The following CASK variants were observed in gnomAD, a reference collection of about 807,000 sequenced individuals.
CASK encodes calcium/calmodulin dependent serine protein kinase.
Under a neutral mutation model 82.9 loss-of-function variants are expected in CASK, and 4 were observed. That is an observed-to-expected ratio of 0.05 (90% CI 0.02 to 0.11). The LOEUF is 0.11. Ranked by LOEUF, CASK falls within the 10% of genes least tolerant of loss-of-function variation. The pLI is 1.00. For synonymous variants in CASK, 259 were observed against 253.5 expected (o/e 1.02, Z -0.20); for missense variants, 358 against 720.9 (o/e 0.50, Z 5.76).
chrX:41,578,563 A>G, intron 14 of CASK, 35 bp from the exon 15 acceptor site: 1 of 959,599 alleles, frequency 1.0e-6, no homozygotes, highest in Admixed American at 2.3e-5. Flanking sequence ...TATTAATAAC[A>G]TTACTATTTC....
chrX:41,793,889 T>A (rs775079377), intron 2 of CASK, among the ~76,000 whole-genome samples: 3 of 111,744 alleles, frequency 2.7e-5, no homozygotes, highest in African/African-American at 9.7e-5. Flanking sequence ...TATCTCATAA[T>A]CAAGTTGAAG....
At chrX:41,632,075 C>T (rs979682363) in intron 9 of CASK, among the ~76,000 whole-genome samples, 10 of 110,990 alleles carry the variant, frequency 9.0e-5, no homozygotes, top group African/African-American at 2.9e-4. Flanking sequence ...GGACCACAGG[C>T]GTGTGCAACC....
At chrX:41,675,922 A>G (rs757764652) in intron 5 of CASK, 38 of 1,206,133 alleles carry the variant, frequency 3.2e-5, no homozygotes, top group Non-Finnish European at 3.9e-5. Context: ...CTGTCTTTGC[A>G]AGAGAGCAGG....
chrX:41,817,181 T>C (rs145955053), intron 2 of CASK, among the ~76,000 whole-genome samples: 1,654 of 112,199 alleles, frequency 0.015, 30 homozygotes, highest in African/African-American at 0.052. Context: ...CCATTCCTAC[T>C]GAAAATTCTC....
intron 4 of CASK, among the ~76,000 whole-genome samples, chrX:41,741,552 A>G (rs926189259): frequency 5.4e-5 from 6 of 112,109 alleles, no homozygotes; most frequent in Non-Finnish European, 7.5e-5. Flanking sequence ...TCAAAGTCTC[A>G]TAACACAAAA....
chrX:41,661,245 T>C (rs1424910312), intron 7 of CASK, among the ~76,000 whole-genome samples: 6 of 111,411 alleles, frequency 5.4e-5, no homozygotes, highest in Non-Finnish European at 1.9e-5. Flanking sequence ...AGAAGGCTCC[T>C]GGGAAAAGGG....
chrX:41,747,135 T>C (rs1271135185), intron 3 of CASK, among the ~76,000 whole-genome samples: 4 of 111,868 alleles, frequency 3.6e-5, no homozygotes, highest in Non-Finnish European at 7.5e-5. Flanking sequence ...TGTGGTTTTA[T>C]ATAAATGAAT....
intron 2 of CASK, among the ~76,000 whole-genome samples, chrX:41,812,178 C>G (rs1317682132): frequency 2.7e-5 from 3 of 111,805 alleles, no homozygotes; most frequent in African/African-American, 9.8e-5. Flanking sequence ...GAACTGGTAC[C>G]ATTTCTTCTG....
chrX:41,756,607 C>T (rs2147764114), intron 3 of CASK, among the ~76,000 whole-genome samples: 1 of 112,264 alleles, frequency 8.9e-6, no homozygotes, highest in East Asian at 2.8e-4. Flanking sequence ...CCTTATTTTG[C>T]TGTAATAAAT....
At chrX:41,569,370 A>G (rs2065370316) in intron 16 of CASK, among the ~76,000 whole-genome samples, 1 of 111,766 alleles carries the variant, frequency 8.9e-6, no homozygotes, top group Non-Finnish European at 1.9e-5. Context: ...CATTATCTAC[A>G]TGCTGGAGCC....
At chrX:41,770,314 ATCCATCCATCCAT>A (rs1569441802) in intron 3 of CASK, among the ~76,000 whole-genome samples, 5 of 77,090 alleles carry the variant, frequency 6.5e-5, no homozygotes, top group East Asian at 7.5e-4. Flanking sequence ...CTACCTACCT[ATCCATCCATCCAT>A]CCATCCATCC....
At chrX:41,678,029 G>A (rs868364967) in intron 5 of CASK, among the ~76,000 whole-genome samples, 1 of 111,830 alleles carries the variant, frequency 8.9e-6, no homozygotes, top group Non-Finnish European at 1.9e-5. Context: ...TCTAACACAG[G>A]ACTTAAAAAT....
At chrX:41,863,454 A>G (rs2071530710) in intron 1 of CASK, among the ~76,000 whole-genome samples, 1 of 111,938 alleles carries the variant, frequency 8.9e-6, no homozygotes, top group Non-Finnish European at 1.9e-5. Flanking sequence ...GACTGTAAGA[A>G]GCCCAGAAAG....
At chrX:41,641,554 A>G (rs1338771940) in intron 8 of CASK, among the ~76,000 whole-genome samples, 1 of 111,863 alleles carries the variant, frequency 8.9e-6, no homozygotes, top group Non-Finnish European at 1.9e-5. Context: ...TCATTAATTC[A>G]GAGAGATAAA....
At chrX:41,922,239 C>T (rs2072796208) in intron 1 of CASK, among the ~76,000 whole-genome samples, 1 of 111,843 alleles carries the variant, frequency 8.9e-6, no homozygotes, top group African/African-American at 3.3e-5. Flanking sequence ...ACTGTCAGTT[C>T]TATATTCTAG....
intron 12 of CASK, among the ~76,000 whole-genome samples, chrX:41,603,710 A>T (rs2065923590): frequency 8.9e-6 from 1 of 111,855 alleles, no homozygotes; most frequent in Non-Finnish European, 1.9e-5. Flanking sequence ...AAATAATCTT[A>T]ATTAGGTGGG....
At chrX:41,686,685 T>C (rs1192428169) in intron 5 of CASK, among the ~76,000 whole-genome samples, 1 of 111,710 alleles carries the variant, frequency 9.0e-6, no homozygotes, top group Non-Finnish European at 1.9e-5. Context: ...GAATTTGAAG[T>C]GAGACCAATC....
chrX:41,783,575 A>C (rs1569447560), intron 3 of CASK, among the ~76,000 whole-genome samples: 1 of 110,414 alleles, frequency 9.1e-6, no homozygotes, highest in Non-Finnish European at 1.9e-5. Context: ...CAAAAGAATT[A>C]CAATATCTTA....
intron 10 of CASK, 23 bp downstream of exon 10, chrX:41,626,581 G>A (rs745810220): frequency 9.2e-6 from 9 of 976,307 alleles, no homozygotes; most frequent in Non-Finnish European, 1.3e-5. Context: ...CCACACAGGT[G>A]AATAAGTGAA....
Sources: gnomAD v4.1 joint callset for allele counts (sites outside exome capture counted in the v4.1 genomes callset) on GRCh38, gnomAD v4.1.1 for gene constraint, MANE v1.5 for transcripts, NCBI Gene and HGNC (gene_info 2026-07-23, HGNC 2026-07-21) for gene names.